Variants in NBPF9 observed in about 807,000 individuals in gnomAD.
NBPF9 encodes NBPF family member NBPF9.
NBPF9 carries 91 observed loss-of-function variants against 97.8 expected under a neutral mutation model. That is an observed-to-expected ratio of 0.93 (90% CI 0.79 to 1.11). NBPF9 has a LOEUF of 1.11. NBPF9 is among the 50% of genes least tolerant of loss of function. The probability of loss-of-function intolerance (pLI) is 0.00; values close to 1 mark genes in which losing one functional copy is unlikely to be tolerated. For synonymous variants in NBPF9, 334 were observed against 359.5 expected (o/e 0.93, Z 0.80); for missense variants, 992 against 939.5 (o/e 1.06, Z -0.73).
Position 149,062,482 on chromosome 1 carries a change from G to A in NBPF9, c.2079-217C>T, listed in dbSNP as rs587697505. ...GGGAGAGGGAGAGAGAGAGAGAGGA[G>A]AAAGTGAGCTCAGCGAATTGGCCGG... On this transcript the variant is annotated intron_variant, in intron 21 of 29. Transcript: ENST00000584027. Among the ~76,000 whole-genome samples, 5 of 144,706 alleles carry A rather than the reference G, an allele frequency of 3.5e-5. No individual in the cohort carries two copies. The East Asian group carries it at 5.9e-4, about 17-fold the overall frequency. The allele number at this position is 144,706 out of a possible 152,430, so 94.9% of individuals were successfully genotyped here.
At position 149,080,033 on chromosome 1, in the gene NBPF9, C is replaced by A. The variant is rs782602320; in HGVS notation, c.278+20G>T. ...ATCTACACACCTACCCGCCTGCCTC[C>A]CCCCACGGGGTCCCCTCACCTGAGC... On this transcript the variant is annotated intron_variant, in intron 8 of 29. Transcript: ENST00000584027. The A allele has an allele frequency of 2.8e-4, 451 of 1,583,938 alleles. 4 individuals carry two copies. In the South Asian group the frequency reaches 4.8e-3, roughly 17 times the overall value.
At chr1:149,078,755 A>T in intron 9 of NBPF9, among the ~76,000 whole-genome samples, 1 of 139,868 alleles carries the variant, frequency 7.1e-6, no homozygotes, top group African/African-American at 2.6e-5. Flanking sequence ...GTCCTTTAAA[A>T]CTAGATAGAT....
chr1:149,066,195 A>G (rs1314770133), intron 17 of NBPF9: 1 of 138,172 alleles, frequency 7.2e-6, no homozygotes, highest in Non-Finnish European at 1.4e-5. Flanking sequence ...AAGCATATAT[A>G]CACCTCTCCC....
intron 15 of NBPF9, 38 bp from the exon 16 acceptor site, chr1:149,071,177 AAC>A (rs1376850805): frequency 3.8e-6 from 5 of 1,326,888 alleles, no homozygotes; most frequent in Non-Finnish European, 5.4e-6. Flanking sequence ...CAGAAGATTA[AAC>A]ACAGAGGGAT....
At chr1:149,070,484 G>A (rs2079314932) in intron 16 of NBPF9, among the ~76,000 whole-genome samples, 1 of 151,782 alleles carries the variant, frequency 6.6e-6, no homozygotes, top group African/African-American at 2.4e-5. Context: ...TGACTGTGCA[G>A]CTAAGCAAGC....
intron 20 of NBPF9, among the ~76,000 whole-genome samples, 154 bp downstream of exon 20, chr1:149,063,479 A>G (rs1460931341): frequency 6.9e-6 from 1 of 145,838 alleles, no homozygotes. Flanking sequence ...TGGGCTTCCA[A>G]GTGGAACTAG....
chr1:149,099,626 T>C (rs2082013028), intron 3 of NBPF9, among the ~76,000 whole-genome samples: 1 of 152,152 alleles, frequency 6.6e-6, no homozygotes, highest in Non-Finnish European at 1.5e-5. Context: ...GAATACTATA[T>C]TCATAAATAA....
At chr1:149,060,263 C>G (rs2078512441) in intron 24 of NBPF9, 2 of 295,090 alleles carry the variant, frequency 6.8e-6, no homozygotes, top group Non-Finnish European at 1.3e-5. Context: ...TTTGTCACAT[C>G]TGCCCAGGTC....
At chr1:149,087,258 G>C in intron 5 of NBPF9, among the ~76,000 whole-genome samples, 1 of 148,848 alleles carries the variant, frequency 6.7e-6, no homozygotes, top group East Asian at 2.5e-4. Context: ...ATGTGTGTGT[G>C]TGTGTGTCTG....
intron 5 of NBPF9, among the ~76,000 whole-genome samples, chr1:149,086,401 A>G (rs1426078357): frequency 2.0e-5 from 3 of 150,272 alleles, no homozygotes; most frequent in East Asian, 3.9e-4. Flanking sequence ...AGGCATTCTT[A>G]ACAGGAGCCA....
At chr1:149,052,280 A>G (rs2077957975), downstream of NBPF9, among the ~76,000 whole-genome samples, 1 of 152,174 alleles carries the variant, frequency 6.6e-6, no homozygotes. Flanking sequence ...TTTGCTCAAC[A>G]GTACTAAGAG....
Position 149,090,827 on chromosome 1 carries a change from A to C in NBPF9, c.-269T>G. 1 of 575,840 alleles carries C rather than the reference A, an allele frequency of 1.7e-6. No individual in the cohort carries two copies. Among genetic ancestry groups the C allele is most frequent in the East Asian group, 2.9e-5 (1 of 34,698 alleles). 35.7% of individuals were successfully genotyped at this position (575,840 alleles called of 1,614,324 possible). A position where few individuals can be genotyped will look rare whatever the true frequency, so the allele number is the denominator to read the frequency against. ...ATTAACTTTGGATTCCCAACCAGTA[A>C]ATCTTAGCAAGATCTGAGTTTCTCC... On this transcript the variant is annotated 5_prime_UTR_variant, in exon 5 of 30. In the 5' UTR this introduces an upstream ATG that the reference lacks. Coordinates refer to ENST00000584027, the Ensembl canonical transcript of NBPF9.
intron 4 of NBPF9, among the ~76,000 whole-genome samples, chr1:149,097,924 T>G (rs1192075590): frequency 6.6e-6 from 1 of 151,826 alleles, no homozygotes; most frequent in African/African-American, 2.4e-5. Context: ...CCCATTATAC[T>G]GGCAACTGAG....
intron 5 of NBPF9, among the ~76,000 whole-genome samples, chr1:149,084,163 C>T (rs1274116374): frequency 6.7e-6 from 1 of 148,202 alleles, no homozygotes; most frequent in African/African-American, 2.5e-5. Flanking sequence ...GGGGTGAGGG[C>T]TGGGGGAGGG....
intron 18 of NBPF9, chr1:149,064,737 A>G: frequency 1.6e-6 from 1 of 618,930 alleles, no homozygotes. Flanking sequence ...GTTTATGTAC[A>G]CAAATGCGCG....
intron 13 of NBPF9, 100 bp from the exon 14 acceptor site, chr1:149,073,032 C>T (rs1317705167): frequency 2.3e-6 from 3 of 1,312,602 alleles, no homozygotes; most frequent in South Asian, 2.4e-5. Flanking sequence ...TCAAGGAGAC[C>T]TCGAAGCAGA....
chr1:149,074,658 G>T (rs1354119336), intron 12 of NBPF9, among the ~76,000 whole-genome samples: 2 of 151,040 alleles, frequency 1.3e-5, no homozygotes, highest in African/African-American at 4.8e-5. Context: ...ACAGGCCCAC[G>T]GTCCCTGCTC....
rs322078 is a variant in NBPF9 at position 149,077,737 on chromosome 1, C to A, written c.566+146G>T. The A allele has an allele frequency of 9.8e-3, 9,725 of 992,306 alleles. 339 individuals carry two copies. In the African/African-American group the frequency reaches 0.14, roughly 14 times the overall value. The allele number at this position is 992,306 out of a possible 1,614,324, so 61.5% of individuals were successfully genotyped here. On this transcript the variant is annotated intron_variant, in intron 10 of 29. Transcript: ENST00000584027. Reference sequence around the variant, plus strand: ...ATAGAGAAACACGACAGCTGCCGCACCCTGTGTCTAAGCTGGGTTCAATTT... The same window carrying A: ...ATAGAGAAACACGACAGCTGCCGCAACCTGTGTCTAAGCTGGGTTCAATTT...
In NBPF9 at chr1:149,064,558, C is replaced by T; in HGVS notation, c.1802-76G>A. On this transcript the variant is annotated intron_variant, in intron 18 of 29. Transcript: ENST00000584027. ...ACACAGAAACATTCCTCTGTCCAAT[C>T]CTAACACAGGGACATCAGTCTTGTC... 3 of 933,054 alleles carry T rather than the reference C, an allele frequency of 3.2e-6. 1 individual carries two copies. The Admixed American group carries it at 5.1e-5, about 16-fold the overall frequency. The allele number at this position is 933,054 out of a possible 1,614,324, so 57.8% of individuals were successfully genotyped here. A position where few individuals can be genotyped will look rare whatever the true frequency, so the allele number is the denominator to read the frequency against.
Sources: gnomAD v4.1 joint callset for allele counts (sites outside exome capture counted in the v4.1 genomes callset) on GRCh38, gnomAD v4.1.1 for gene constraint, MANE v1.5 for transcripts, NCBI Gene and HGNC (gene_info 2026-07-23, HGNC 2026-07-21) for gene names.